The following CLSTN2 variants were observed in gnomAD, a reference collection of about 807,000 sequenced individuals.
CLSTN2 encodes calsyntenin-2.
CLSTN2 carries 48 observed loss-of-function variants against 101.2 expected under a neutral mutation model. The ratio of observed to expected loss-of-function variants is 0.47; its 90% CI spans 0.38 to 0.60. The LOEUF is 0.60. CLSTN2 is among the 20% of genes least tolerant of loss of function. The pLI is 0.00. For synonymous variants in CLSTN2, 481 were observed against 463.6 expected, an observed-to-expected ratio of 1.04 and a Z score of -0.48; for missense variants, 1,160 against 1,238.2, an observed-to-expected ratio of 0.94 and a Z score of 0.95.
intron 1 of CLSTN2, among the ~76,000 whole-genome samples, chr3:140,011,895 G>A (rs1414631260): frequency 6.6e-6 from 1 of 152,048 alleles, no homozygotes; most frequent in African/African-American, 2.4e-5. Flanking sequence ...CAGATCTGGG[G>A]TGCCGAATGG....
At chr3:140,419,210 T>C (rs997779809) in intron 4 of CLSTN2, among the ~76,000 whole-genome samples, 2 of 151,248 alleles carry the variant, frequency 1.3e-5, no homozygotes, top group Non-Finnish European at 2.9e-5. Flanking sequence ...AGGCTGGGCA[T>C]GTTGGCTCAC....
intron 2 of CLSTN2, among the ~76,000 whole-genome samples, chr3:140,289,580 A>G (rs1559830000): frequency 2.0e-5 from 3 of 152,120 alleles, no homozygotes; most frequent in South Asian, 4.1e-4. Context: ...ATGGCTTCTC[A>G]TTGCCTCCAG....
intron 1 of CLSTN2, among the ~76,000 whole-genome samples, chr3:139,989,776 G>A (rs1936087210): frequency 6.6e-6 from 1 of 152,064 alleles, no homozygotes; most frequent in Admixed American, 6.5e-5. Context: ...CCACCAAGAG[G>A]CTTTTCCCAC....
At position 140,393,803 on chromosome 3, in the gene CLSTN2, G is replaced by T. The variant is rs150427817; in HGVS notation, c.233-9826G>T. 4.7e-4 allele frequency among the ~76,000 whole-genome samples: 71 copies of T among 152,294 alleles called. 1 individual carries two copies. The East Asian group carries it at 0.013, about 28-fold the overall frequency. On this transcript the variant is annotated intron_variant, in intron 2 of 16. Coordinates refer to ENST00000458420, the MANE Select transcript of CLSTN2 (RefSeq NM_022131.3). ...TGACAGTGGGAAAACAATTTATCCAGATCTTGTAACTGGGTCCAGGGCAGT... is the reference window on the plus strand; with the variant it reads ...TGACAGTGGGAAAACAATTTATCCATATCTTGTAACTGGGTCCAGGGCAGT...
chr3:140,503,145 C>G (rs570106437), intron 8 of CLSTN2, among the ~76,000 whole-genome samples: 2 of 152,234 alleles, frequency 1.3e-5, no homozygotes, highest in African/African-American at 2.4e-5. Context: ...TTGTGAGGAC[C>G]TTTGTGTAGC....
chr3:140,293,675 TGAA>T (rs1394238240), intron 2 of CLSTN2, among the ~76,000 whole-genome samples: 1 of 152,090 alleles, frequency 6.6e-6, no homozygotes, highest in African/African-American at 2.4e-5. Context: ...TCCTGAGAGA[TGAA>T]GAAGACGTTG....
chr3:140,474,775 G>A (rs964454814), intron 8 of CLSTN2, among the ~76,000 whole-genome samples: 1 of 152,034 alleles, frequency 6.6e-6, no homozygotes, highest in African/African-American at 2.4e-5. Flanking sequence ...TCTCCTCAGG[G>A]CCTTTTCCAA....
chr3:140,562,433 C>A, intron 13 of CLSTN2, 125 bp downstream of exon 13: 2 of 955,938 alleles, frequency 2.1e-6, no homozygotes, highest in Non-Finnish European at 3.0e-6. Flanking sequence ...AGTTGGAGAT[C>A]CTTGGCCTCA....
At chr3:140,031,313 A>C (rs993025392) in intron 1 of CLSTN2, among the ~76,000 whole-genome samples, 59 of 152,142 alleles carry the variant, frequency 3.9e-4, no homozygotes, top group African/African-American at 1.4e-3. Context: ...CGCAGCATGA[A>C]ATTCTGAATT....
Position 139,975,827 on chromosome 3 carries a change from C to A in CLSTN2, c.109+40344C>A, listed in dbSNP as rs1287551248. ...TGTCATGCCACAGCCATGGCAACAG[C>A]TGCCACAACACAGGAGCTGCCACAA... On this transcript the variant is annotated intron_variant, in intron 1 of 16. Transcript: ENST00000458420. Among the ~76,000 whole-genome samples, 3 of 152,168 alleles carry A rather than the reference C, an allele frequency of 2.0e-5. No individual in the cohort carries two copies. In the East Asian group the frequency reaches 5.8e-4, roughly 29 times the overall value.
intron 2 of CLSTN2, among the ~76,000 whole-genome samples, chr3:140,190,321 A>G (rs2010541659): frequency 6.6e-6 from 1 of 151,634 alleles, no homozygotes; most frequent in Non-Finnish European, 1.5e-5. Flanking sequence ...TACTGTGGCT[A>G]TATAAGCCTT....
In CLSTN2 at chr3:140,459,621, T is replaced by G. The variant is rs781259183; in HGVS notation, c.1074T>G (p.Phe358Leu). Residue 358 changes from phenylalanine to leucine, a missense_variant, in exon 7 of 17, where the codon TTT (phenylalanine) becomes TTG (leucine). Physicochemically the swap from Phe to Leu is conservative, Grantham distance 22. Transcript: ENST00000458420. ...LVDSSEMIFK[F>L]DGRQGAKVPD... ...ACAGCAGTGAGATGATCTTCAAGTT[T>G]GACGGCAGGCAGGGTGCCAAAGTCC... The G allele has an allele frequency of 1.2e-6, 2 of 1,614,044 alleles. No homozygotes were observed. The highest frequency in any genetic ancestry group is 2.7e-5 in the African/African-American group (2 of 74,930).
At chr3:140,315,341 G>T (rs1228142044) in intron 2 of CLSTN2, among the ~76,000 whole-genome samples, 1 of 152,194 alleles carries the variant, frequency 6.6e-6, no homozygotes, top group African/African-American at 2.4e-5. Flanking sequence ...AATTGGGAAA[G>T]GTGTATGCCA....
At chr3:140,315,547 G>T (rs2087219914) in intron 2 of CLSTN2, among the ~76,000 whole-genome samples, 2 of 152,180 alleles carry the variant, frequency 1.3e-5, no homozygotes, top group South Asian at 4.1e-4. Context: ...TACTACTGTG[G>T]CTTTTCTGCC....
At chr3:140,062,937 T>C (rs1330383705) in intron 1 of CLSTN2, among the ~76,000 whole-genome samples, 1 of 152,222 alleles carries the variant, frequency 6.6e-6, no homozygotes, top group Non-Finnish European at 1.5e-5. Context: ...ATACATTTGA[T>C]TATAAAATAA....
At chr3:139,964,972 C>T (rs529076218) in intron 1 of CLSTN2, among the ~76,000 whole-genome samples, 1 of 152,262 alleles carries the variant, frequency 6.6e-6, no homozygotes, top group Non-Finnish European at 1.5e-5. Context: ...CTCCCAGGCA[C>T]CCCAATTCAT....
At chr3:140,044,733 G>T (rs1327412037) in intron 1 of CLSTN2, among the ~76,000 whole-genome samples, 11 of 152,146 alleles carry the variant, frequency 7.2e-5, no homozygotes, top group African/African-American at 2.7e-4. Flanking sequence ...AGAGTTTTTA[G>T]CATGAATTGC....
At chr3:140,067,176 A>G (rs571814741) in intron 1 of CLSTN2, among the ~76,000 whole-genome samples, 1 of 152,280 alleles carries the variant, frequency 6.6e-6, no homozygotes, top group South Asian at 2.1e-4. Flanking sequence ...CAACCCTGGG[A>G]CCTACTTGGC....
intron 8 of CLSTN2, among the ~76,000 whole-genome samples, chr3:140,523,978 C>T (rs182305087): frequency 1.3e-5 from 2 of 152,342 alleles, no homozygotes; most frequent in Non-Finnish European, 2.9e-5. Context: ...GTCAACCCTC[C>T]ATCCAACTCT....
Sources: allele counts gnomAD v4.1 joint callset (sites outside exome capture counted in the v4.1 genomes callset), GRCh38; gene constraint gnomAD v4.1.1; transcripts MANE v1.5; gene names NCBI Gene and HGNC (gene_info 2026-07-23, HGNC 2026-07-21).